The following ACER3 variants were observed in gnomAD, a reference collection of about 807,000 sequenced individuals.
ACER3 encodes the protein alkCDase 3.
In ACER3, 16 loss-of-function variants were observed where a neutral mutation model predicts 48.9. The observed-to-expected ratio is 0.33, with a 90% CI of 0.22 to 0.50. The LOEUF is 0.50. Ranked by LOEUF, ACER3 falls within the 20% of genes least tolerant of loss-of-function variation. The pLI is 0.98. For synonymous variants in ACER3, 109 were observed against 107.8 expected, an observed-to-expected ratio of 1.01 and a Z score of -0.07; for missense variants, 227 against 326.0, an observed-to-expected ratio of 0.70 and a Z score of 2.34.
chr11:76,968,345 A>G (rs1948194152), intron 3 of ACER3, among the ~76,000 whole-genome samples: 1 of 152,140 alleles, frequency 6.6e-6, no homozygotes, highest in African/African-American at 2.4e-5. Flanking sequence ...AAGAATCAAT[A>G]TCGTGAAAAT....
chr11:76,889,479 A>G (rs984810798), intron 1 of ACER3, among the ~76,000 whole-genome samples: 2 of 152,224 alleles, frequency 1.3e-5, no homozygotes, highest in Non-Finnish European at 2.9e-5. Context: ...GAAATACTAA[A>G]TGCTATATAC....
chr11:76,904,423 AC>A (rs1237754671), intron 1 of ACER3, among the ~76,000 whole-genome samples: 2 of 152,028 alleles, frequency 1.3e-5, no homozygotes, highest in Non-Finnish European at 2.9e-5. Flanking sequence ...CCTCCCTGCC[AC>A]CCCCCATAAA....
At chr11:76,974,312 G>A (rs975795051) in intron 3 of ACER3, among the ~76,000 whole-genome samples, 2 of 152,152 alleles carry the variant, frequency 1.3e-5, no homozygotes, top group Admixed American at 6.6e-5. Context: ...ACCTAACTTT[G>A]AAATAGGGCT....
chr11:76,971,290 G>T (rs901717565), intron 3 of ACER3, among the ~76,000 whole-genome samples: 1 of 151,976 alleles, frequency 6.6e-6, no homozygotes, highest in African/African-American at 2.4e-5. Context: ...GCCTGTAATC[G>T]CAGCACTTTG....
At chr11:76,969,610 C>T (rs1948237265) in intron 3 of ACER3, among the ~76,000 whole-genome samples, 1 of 151,764 alleles carries the variant, frequency 6.6e-6, no homozygotes, top group Non-Finnish European at 1.5e-5. Flanking sequence ...GAATACTATG[C>T]AGCCATAAAA....
At chr11:76,927,145 G>C (rs772929244) in intron 2 of ACER3, among the ~76,000 whole-genome samples, 12 of 152,114 alleles carry the variant, frequency 7.9e-5, no homozygotes, top group Non-Finnish European at 1.6e-4. Flanking sequence ...TATATCCTTA[G>C]AAGTATACAT....
chr11:76,886,545 G>A (rs556302313), intron 1 of ACER3, among the ~76,000 whole-genome samples: 20 of 152,272 alleles, frequency 1.3e-4, no homozygotes, highest in African/African-American at 4.6e-4. Flanking sequence ...AATTGGAAAC[G>A]TTTTCATGAA....
intron 3 of ACER3, among the ~76,000 whole-genome samples, chr11:76,969,283 A>T (rs1237673477): frequency 3.3e-5 from 5 of 152,208 alleles, no homozygotes; most frequent in Non-Finnish European, 7.3e-5. Flanking sequence ...ATCATTAAAA[A>T]GTCAGGAAAC....
At chr11:76,997,881 T>C (rs1159034520) in intron 6 of ACER3, among the ~76,000 whole-genome samples, 5 of 152,194 alleles carry the variant, frequency 3.3e-5, no homozygotes, top group African/African-American at 1.2e-4. Flanking sequence ...AATTCTATTA[T>C]AACTCAAAAG....
At chr11:77,005,572 C>CT (rs1949117790) in intron 7 of ACER3, among the ~76,000 whole-genome samples, 1 of 152,128 alleles carries the variant, frequency 6.6e-6, no homozygotes, top group African/African-American at 2.4e-5. Context: ...CATGCTCCCT[C>CT]TGAGACCAGT....
chr11:76,949,751 C>G (rs958472856), intron 2 of ACER3, among the ~76,000 whole-genome samples: 3 of 152,158 alleles, frequency 2.0e-5, no homozygotes, highest in African/African-American at 7.2e-5. Context: ...GAAAACTGTT[C>G]TATGGTGCTA....
chr11:77,000,296 T>C (rs547446490), intron 7 of ACER3, among the ~76,000 whole-genome samples: 1 of 152,314 alleles, frequency 6.6e-6, no homozygotes, highest in East Asian at 1.9e-4. Flanking sequence ...ATAAGGACAG[T>C]TGCTATTGTT....
intron 1 of ACER3, among the ~76,000 whole-genome samples, chr11:76,891,433 T>C (rs1203872631): frequency 6.6e-6 from 1 of 152,130 alleles, no homozygotes; most frequent in African/African-American, 2.4e-5. Flanking sequence ...GGCAGGACTC[T>C]AATCTGATTG....
In ACER3 at chr11:76,998,753, TC is replaced by T. The variant is rs1240077016; in HGVS notation, c.439-8del. 1 of 1,585,626 alleles carries T rather than the reference TC, an allele frequency of 6.3e-7. No individual in the cohort carries two copies. The highest frequency in any genetic ancestry group is 8.6e-7 in the Non-Finnish European group (1 of 1,167,380). On this transcript the variant is annotated splice_polypyrimidine_tract_variant and intron_variant, in intron 6 of 10. Transcript: ENST00000532485. ...TGATTGTACTAACCTCATTTTCCGTTCCTATTTAGGTCATGTATGGAATGTT... is the reference window on the plus strand; with the variant it reads ...TGATTGTACTAACCTCATTTTCCGTTCTATTTAGGTCATGTATGGAATGTT...
At chr11:77,015,961 G>A (rs1455488211) in intron 8 of ACER3, among the ~76,000 whole-genome samples, 1 of 152,014 alleles carries the variant, frequency 6.6e-6, no homozygotes, top group Non-Finnish European at 1.5e-5. Flanking sequence ...ACAAAAATTA[G>A]CTGGGCCTGG....
At chr11:77,018,824 T>C (rs1949420939) in intron 9 of ACER3, among the ~76,000 whole-genome samples, 1 of 152,210 alleles carries the variant, frequency 6.6e-6, no homozygotes, top group South Asian at 2.1e-4. Flanking sequence ...GAAGAAAAGT[T>C]TGAAGCTAGC....
chr11:76,978,083 T>C (rs986513275), intron 4 of ACER3, among the ~76,000 whole-genome samples: 4 of 152,098 alleles, frequency 2.6e-5, no homozygotes, highest in African/African-American at 9.7e-5. Flanking sequence ...CAGCTTGGTG[T>C]GGGCCTGCAG....
At chr11:76,871,849 T>G (rs1027009041) in intron 1 of ACER3, among the ~76,000 whole-genome samples, 15 of 152,176 alleles carry the variant, frequency 9.9e-5, no homozygotes, top group African/African-American at 3.6e-4. Flanking sequence ...GTACTTTGAT[T>G]TGTTTCAGGG....
chr11:76,971,872 A>G (rs1021191256), intron 3 of ACER3, among the ~76,000 whole-genome samples: 5 of 152,098 alleles, frequency 3.3e-5, no homozygotes, highest in Non-Finnish European at 7.4e-5. Flanking sequence ...TAAAGGTGTC[A>G]GATTCTCAGT....
Sources: gnomAD v4.1 joint callset for allele counts (sites outside exome capture counted in the v4.1 genomes callset) on GRCh38, gnomAD v4.1.1 for gene constraint, MANE v1.5 for transcripts, NCBI Gene and HGNC (gene_info 2026-07-23, HGNC 2026-07-21) for gene names.